The following SAMD12 variants were observed in gnomAD, a reference collection of about 807,000 sequenced individuals.
SAMD12 encodes sterile alpha motif domain-containing protein 12.
In SAMD12, 9 loss-of-function variants were observed where a neutral mutation model predicts 15.0. The ratio of observed to expected loss-of-function variants is 0.60; its 90% CI spans 0.36 to 1.05. The LOEUF is 1.05. Ranked by LOEUF, SAMD12 falls within the 50% of genes least tolerant of loss-of-function variation. SAMD12 has a pLI of 0.01. For missense variants in SAMD12, 230 were observed against 234.2 expected, an observed-to-expected ratio of 0.98 and a Z score of 0.12; for synonymous variants, 86 against 90.1, an observed-to-expected ratio of 0.96 and a Z score of 0.25.
intron 2 of SAMD12, among the ~76,000 whole-genome samples, chr8:118,474,624 T>C (rs746180493): frequency 3.3e-5 from 5 of 151,872 alleles, no homozygotes; most frequent in Non-Finnish European, 7.4e-5. Flanking sequence ...TGACCTCAGG[T>C]GATCCATTTG....
intron 2 of SAMD12, among the ~76,000 whole-genome samples, chr8:118,447,670 A>G (rs994694238): frequency 1.3e-5 from 2 of 150,780 alleles, no homozygotes; most frequent in Non-Finnish European, 3.0e-5. Context: ...CTTTGATGTC[A>G]TCTTTCATTT....
the SAMD12 span, among the ~76,000 whole-genome samples, chr8:118,161,104 C>T: frequency 6.6e-6 from 1 of 152,260 alleles, no homozygotes; most frequent in Admixed American, 6.5e-5. Flanking sequence ...TCATCCATGT[C>T]CCTGCAAAGG....
At position 118,201,371 on chromosome 8, in the gene SAMD12, C is replaced by T. The variant is rs1334936746; in HGVS notation, c.434-3639G>A. Among the ~76,000 whole-genome samples the T allele has an allele frequency of 2.6e-5, 4 of 152,128 alleles. No individual in the cohort carries two copies. In the South Asian group the frequency reaches 6.2e-4, roughly 24 times the overall value. ...CGCCCTCTTTCACAACCACCTAGAG[C>T]GTCACTTCCTTTATGAAGTATTCTT... On this transcript the variant is annotated intron_variant, in intron 4 of 4. Transcript: ENST00000409003.
chr8:118,169,017 C>G, the SAMD12 span, among the ~76,000 whole-genome samples: 1 of 151,928 alleles, frequency 6.6e-6, no homozygotes, highest in Non-Finnish European at 1.5e-5. Context: ...TAAAACCAAC[C>G]ACTCAACAAT....
intron 2 of SAMD12, among the ~76,000 whole-genome samples, chr8:118,480,332 C>G (rs538412731): frequency 6.6e-5 from 10 of 152,290 alleles, no homozygotes; most frequent in South Asian, 4.1e-4. Context: ...TTTAGCACTC[C>G]TTGCTACTCC....
intron 2 of SAMD12, among the ~76,000 whole-genome samples, chr8:118,567,311 C>T (rs1002312243): frequency 2.0e-5 from 3 of 151,988 alleles, no homozygotes; most frequent in Non-Finnish European, 4.4e-5. Flanking sequence ...CCTCTATAAA[C>T]ACCTTCTGCT....
intron 2 of SAMD12, among the ~76,000 whole-genome samples, chr8:118,476,508 A>T (rs1823964661): frequency 6.6e-6 from 1 of 152,216 alleles, no homozygotes; most frequent in Admixed American, 6.5e-5. Context: ...AAGATGAGAC[A>T]TCTTTAATTC....
At chr8:118,486,018 G>A (rs1025878492) in intron 2 of SAMD12, among the ~76,000 whole-genome samples, 1 of 152,144 alleles carries the variant, frequency 6.6e-6, no homozygotes, top group Non-Finnish European at 1.5e-5. Context: ...CTTCTAACCT[G>A]GGAATGTTAC....
At chr8:118,489,493 C>T (rs1407045107) in intron 2 of SAMD12, among the ~76,000 whole-genome samples, 1 of 152,126 alleles carries the variant, frequency 6.6e-6, no homozygotes, top group Non-Finnish European at 1.5e-5. Flanking sequence ...AGAATTTCAG[C>T]CTCTAGCCTC....
In SAMD12 at chr8:118,313,405, A is replaced by G. The variant is rs534206934; in HGVS notation, c.433+66155T>C. On this transcript the variant is annotated intron_variant, in intron 4 of 4. Coordinates refer to the SAMD12 transcript ENST00000409003. The stretch of plus-strand genomic sequence containing the variant: ...TGGCCACGTACAAAGCAACAGCTGC[A>G]GTGGTCGTTTTGGAGTTCCTCCAGG... 3.9e-5 allele frequency among the ~76,000 whole-genome samples: 6 copies of G among 152,270 alleles called. No homozygotes were observed. In the South Asian group the frequency reaches 1.2e-3, roughly 32 times the overall value.
At chr8:118,385,573 G>C (rs1819911481) in intron 3 of SAMD12, among the ~76,000 whole-genome samples, 2 of 152,062 alleles carry the variant, frequency 1.3e-5, no homozygotes, top group Non-Finnish European at 2.9e-5. Context: ...ATATGTATAT[G>C]TGTGTATACA....
chr8:118,307,689 T>A lies in SAMD12; in HGVS notation c.433+71871A>T, dbSNP rs1330414594. ...TTAAGCAATTTGCCTAAAGTTACAA[T>A]GCAGCTTCAAAGCTGGGGGTGTGTG... On this transcript the variant is annotated intron_variant, in intron 4 of 4. Coordinates refer to the SAMD12 transcript ENST00000409003. Among the ~76,000 whole-genome samples the A allele has an allele frequency of 6.0e-4, 91 of 152,222 alleles. 1 individual carries two copies. The highest frequency in any genetic ancestry group is 6.0e-3 in the Admixed American group (91 of 15,282).
At chr8:118,497,241 A>G (rs1242422117) in intron 2 of SAMD12, among the ~76,000 whole-genome samples, 1 of 152,138 alleles carries the variant, frequency 6.6e-6, no homozygotes, top group Admixed American at 6.5e-5. Flanking sequence ...AAGAATATAA[A>G]TCATTCTACC....
intron 4 of SAMD12, among the ~76,000 whole-genome samples, chr8:118,247,301 T>TA (rs1812719292): frequency 6.6e-6 from 1 of 152,088 alleles, no homozygotes; most frequent in Middle Eastern, 3.2e-3. Context: ...GATCAAAAGA[T>TA]ACAGAGTTTC....
the SAMD12 span, among the ~76,000 whole-genome samples, chr8:118,165,601 T>C: frequency 6.7e-5 from 6 of 90,022 alleles, no homozygotes; most frequent in African/African-American, 9.7e-5. Flanking sequence ...TATACATATA[T>C]ACATATATAT....
At chr8:118,384,883 C>A (rs912359088) in intron 3 of SAMD12, among the ~76,000 whole-genome samples, 2 of 152,240 alleles carry the variant, frequency 1.3e-5, no homozygotes, top group East Asian at 3.9e-4. Context: ...TCAGAGGGAC[C>A]TCTTACAACC....
downstream of SAMD12, among the ~76,000 whole-genome samples, chr8:118,376,061 TTA>T (rs1819373240): frequency 1.3e-5 from 2 of 152,306 alleles, no homozygotes; most frequent in South Asian, 4.1e-4. Context: ...GGGTGTACCA[TTA>T]TTTAATTCAC....
the SAMD12 span, among the ~76,000 whole-genome samples, chr8:118,183,075 T>C: frequency 4.6e-5 from 7 of 152,206 alleles, no homozygotes; most frequent in Non-Finnish European, 1.0e-4. Context: ...CCTGCTCACT[T>C]ACCTACATCC....
intron 3 of SAMD12, among the ~76,000 whole-genome samples, chr8:118,406,111 A>T (rs1344981797): frequency 6.6e-6 from 1 of 152,092 alleles, no homozygotes; most frequent in Non-Finnish European, 1.5e-5. Context: ...ACTACAAAAG[A>T]GAAGAGTCTT....
Sources: allele counts gnomAD v4.1 joint callset (sites outside exome capture counted in the v4.1 genomes callset), GRCh38; gene constraint gnomAD v4.1.1; transcripts MANE v1.5; gene names NCBI Gene and HGNC (gene_info 2026-07-23, HGNC 2026-07-21).